The following PTPRE variants were observed in gnomAD, a reference collection of about 807,000 sequenced individuals.
PTPRE encodes receptor-type tyrosine-protein phosphatase epsilon.
PTPRE carries 51 observed loss-of-function variants against 102.0 expected under a neutral mutation model. That is an observed-to-expected ratio of 0.50 (90% CI 0.40 to 0.63). The LOEUF is 0.63. PTPRE is among the 30% of genes least tolerant of loss of function. The pLI, the probability that PTPRE is intolerant of heterozygous loss-of-function variation, is 0.00. For synonymous variants in PTPRE, 345 were observed against 348.2 expected (o/e 0.99, Z 0.10); for missense variants, 752 against 915.1 (o/e 0.82, Z 2.30).
At chr10:127,977,406 A>G (rs532927030) in intron 1 of PTPRE, among the ~76,000 whole-genome samples, 2 of 152,252 alleles carry the variant, frequency 1.3e-5, no homozygotes, top group African/African-American at 2.4e-5. Flanking sequence ...ATGTAAATGC[A>G]CTTCCAAAAA....
chr10:127,948,041 G>C (rs760997325), intron 1 of PTPRE, among the ~76,000 whole-genome samples: 1 of 152,144 alleles, frequency 6.6e-6, no homozygotes, highest in African/African-American at 2.4e-5. Flanking sequence ...ATGCCCAAGG[G>C]TTTGGGTTTT....
rs796767229 is a variant in PTPRE, at chr10:128,019,745, G to GA, written c.-7-21128dup. Reference sequence around the variant, plus strand: ...CTCTGTTGGGCGGGGAGCTCAGCCTGAAGCCAGGCTGTGAGTGGGATGGGA... The same window carrying GA: ...CTCTGTTGGGCGGGGAGCTCAGCCTGAAAGCCAGGCTGTGAGTGGGATGGGA... On this transcript the variant is annotated intron_variant, in intron 2 of 20. Transcript: ENST00000254667. Among the ~76,000 whole-genome samples, 45 of 152,328 alleles carry GA rather than the reference G, an allele frequency of 3.0e-4. 1 individual carries two copies. The highest frequency in any genetic ancestry group is 1.1e-3 in the African/African-American group (45 of 41,560).
chr10:128,020,160 A>C (rs1271983914), intron 2 of PTPRE, among the ~76,000 whole-genome samples: 1 of 152,248 alleles, frequency 6.6e-6, no homozygotes, highest in African/African-American at 2.4e-5. Context: ...AAGAATAATT[A>C]ATAAGCCCAC....
At chr10:127,942,160 T>C (rs1848295028) in intron 1 of PTPRE, among the ~76,000 whole-genome samples, 1 of 151,748 alleles carries the variant, frequency 6.6e-6, no homozygotes, top group African/African-American at 2.4e-5. Flanking sequence ...GTCAGAGAAA[T>C]GAGAATGAGA....
At position 128,029,553 on chromosome 10, in the gene PTPRE, A is replaced by T. The variant is rs1005014870; in HGVS notation, c.-7-11322A>T. Among the ~76,000 whole-genome samples, 3 of 152,306 alleles carry T rather than the reference A, an allele frequency of 2.0e-5. No homozygotes were observed. The East Asian group carries it at 5.8e-4, about 29-fold the overall frequency. ...AACCGAGTCAGGATGCCCAAACTGG[A>T]TGACTTCCCTGAGGGCGGTGCACTG... On this transcript the variant is annotated intron_variant, in intron 2 of 20. Coordinates refer to ENST00000254667, the MANE Select transcript of PTPRE (RefSeq NM_006504.6).
chr10:127,975,813 G>T (rs1044807514), intron 1 of PTPRE, among the ~76,000 whole-genome samples: 2 of 152,282 alleles, frequency 1.3e-5, no homozygotes, highest in Admixed American at 1.3e-4. Flanking sequence ...GCAGGTAGAG[G>T]GGAGTAAAAC....
At chr10:128,002,683 CTTTTTTTTTTTTTTTTT>C (rs59007980) in intron 2 of PTPRE, among the ~76,000 whole-genome samples, 13 of 41,202 alleles carry the variant, frequency 3.2e-4, no homozygotes, top group East Asian at 2.4e-3. Flanking sequence ...AGTCACATAT[CTTTTTTTTTTTTTTTTT>C]TTTTTTTTTT....
chr10:128,046,188 C>T (rs80003852), intron 3 of PTPRE, among the ~76,000 whole-genome samples: 10,275 of 152,238 alleles, frequency 0.067, 388 homozygotes, highest in East Asian at 0.11. Flanking sequence ...CCACACCTTC[C>T]CTGGGGAGTT....
intron 20 of PTPRE, among the ~76,000 whole-genome samples, chr10:128,080,494 A>G (rs991282313): frequency 5.3e-5 from 8 of 152,298 alleles, no homozygotes; most frequent in Non-Finnish European, 1.0e-4. Context: ...GGGTCTGTCC[A>G]TCCACACCCA....
At chr10:128,052,164 G>C (rs1344652069) in intron 6 of PTPRE, among the ~76,000 whole-genome samples, 1 of 152,216 alleles carries the variant, frequency 6.6e-6, no homozygotes, top group East Asian at 1.9e-4. Flanking sequence ...GAGCACTGGA[G>C]CCTGCCATGG....
chr10:128,022,481 G>C (rs182350221), intron 2 of PTPRE, among the ~76,000 whole-genome samples: 1 of 152,342 alleles, frequency 6.6e-6, no homozygotes, highest in African/African-American at 2.4e-5. Context: ...CGACGGCCCA[G>C]GGCCTGGCCT....
At chr10:127,986,389 T>C (rs1852093238) in intron 2 of PTPRE, among the ~76,000 whole-genome samples, 1 of 152,228 alleles carries the variant, frequency 6.6e-6, no homozygotes, top group Non-Finnish European at 1.5e-5. Flanking sequence ...GGTTTAAATA[T>C]TTTCTCCAGA....
Position 128,082,874 on chromosome 10 carries a change from G to C in PTPRE, c.2071G>C (p.Asp691His). The change falls in exon 21 of 21, where the codon GAT becomes CAT. Residue 691 changes from aspartate (D) to histidine (H), a missense_variant. Asp to His is a moderately conservative substitution (Grantham distance 81, BLOSUM62 -1). This residue lies in a region of PTPRE where 636 missense variants were observed against 824.4 expected (regional missense o/e 0.77). Transcript: ENST00000254667. ...FCYKVVQDFI[D>H]IFSDYANFK ...CTACAAAGTGGTACAAGATTTTATTGATATATTTTCTGATTATGCTAATTT... is the reference window on the plus strand; with the variant it reads ...CTACAAAGTGGTACAAGATTTTATTCATATATTTTCTGATTATGCTAATTT... 2 of 1,553,706 alleles carry C rather than the reference G, an allele frequency of 1.3e-6. No individual in the cohort carries two copies. Among genetic ancestry groups the C allele is most frequent in the Non-Finnish European group, 1.7e-6 (2 of 1,159,240 alleles).
intron 1 of PTPRE, among the ~76,000 whole-genome samples, chr10:127,945,833 G>A (rs1270837170): frequency 6.6e-6 from 1 of 152,080 alleles, no homozygotes; most frequent in East Asian, 1.9e-4. Flanking sequence ...ATCCTTCATC[G>A]TTGCTAACCC....
chr10:127,976,391 T>G (rs1476659363), intron 1 of PTPRE, among the ~76,000 whole-genome samples: 1 of 152,216 alleles, frequency 6.6e-6, no homozygotes, highest in Non-Finnish European at 1.5e-5. Context: ...CTTTCTAATT[T>G]GCATGTTTCC....
intron 1 of PTPRE, among the ~76,000 whole-genome samples, chr10:127,955,286 GTACATACATACATACA>G (rs59251219): frequency 2.0e-5 from 3 of 150,002 alleles, no homozygotes; most frequent in Admixed American, 6.6e-5. Flanking sequence ...AAATACATGT[GTACATACATACATACA>G]TACATACATA....
Position 128,057,365 on chromosome 10 carries a change from C to T in PTPRE, c.511+1152C>T, listed in dbSNP as rs73386016. ...GCTCCACTAAGTTCAGGTTTAAATC[C>T]CGAACCTGCAGCCTCCGCCTGGTCC... is the stretch of plus-strand genomic sequence containing the variant. On this transcript the variant is annotated intron_variant, in intron 7 of 20. Coordinates refer to ENST00000254667, the MANE Select transcript of PTPRE (RefSeq NM_006504.6). Among the ~76,000 whole-genome samples, 1,444 of 152,250 alleles carry T rather than the reference C, an allele frequency of 9.5e-3. 24 individuals are homozygous for T. The highest frequency in any genetic ancestry group is 0.033 in the African/African-American group (1,354 of 41,540).
At chr10:128,044,672 A>G (rs1336694751) in intron 3 of PTPRE, among the ~76,000 whole-genome samples, 1 of 152,204 alleles carries the variant, frequency 6.6e-6, no homozygotes, top group Non-Finnish European at 1.5e-5. Flanking sequence ...CTGCTTCAGG[A>G]TGACCACCCT....
At chr10:128,061,071 C>A in intron 8 of PTPRE, 56 bp downstream of exon 8, 1 of 1,542,884 alleles carries the variant, frequency 6.5e-7, no homozygotes, top group Non-Finnish European at 9.0e-7. Flanking sequence ...GAGCAGTAAG[C>A]ACTTTCTTGT....
Sources: allele counts gnomAD v4.1 joint callset (sites outside exome capture counted in the v4.1 genomes callset), GRCh38; gene constraint gnomAD v4.1.1; regional missense constraint gnomAD v4.1.1; transcripts MANE v1.5; gene names NCBI Gene and HGNC (gene_info 2026-07-23, HGNC 2026-07-21).